WDPCP: variants seen among roughly 807,000 people sequenced by gnomAD.
WDPCP encodes WD repeat containing planar cell polarity effector, also known as WD repeat-containing and planar cell polarity effector protein fritz homolog.
WDPCP carries 71 observed loss-of-function variants against 93.1 expected under a neutral mutation model. The observed-to-expected ratio is 0.76, with a 90% confidence interval of 0.63 to 0.93. The LOEUF (loss-of-function observed/expected upper bound fraction) is 0.93, where lower values mean the gene tolerates loss of function less well. Ranked by LOEUF, WDPCP falls within the 40% of genes least tolerant of loss-of-function variation. The pLI, the probability that WDPCP is intolerant of heterozygous loss-of-function variation, is 0.00. For synonymous variants in WDPCP, 315 were observed against 315.0 expected (o/e 1.00, Z 0.00); for missense variants, 844 against 887.4 (o/e 0.95, Z 0.62).
intron 2 of WDPCP, among the ~76,000 whole-genome samples, chr2:63,767,777 C>A (rs990175258): frequency 3.9e-5 from 6 of 151,924 alleles, no homozygotes; most frequent in Non-Finnish European, 8.8e-5. Flanking sequence ...ATATTTTGTC[C>A]TGTCTGTGTG....
chr2:63,431,067 C>T (rs1369936415), intron 9 of WDPCP, among the ~76,000 whole-genome samples: 1 of 152,126 alleles, frequency 6.6e-6, no homozygotes, highest in Non-Finnish European at 1.5e-5. Flanking sequence ...CAATTTTCTA[C>T]TTAGAATCTA....
intron 3 of WDPCP, among the ~76,000 whole-genome samples, chr2:63,618,813 C>T (rs1575731129): frequency 6.6e-6 from 1 of 152,136 alleles, no homozygotes; most frequent in East Asian, 1.9e-4. Context: ...GCCTCAGCTC[C>T]TGAGCAGCTG....
intron 2 of WDPCP, among the ~76,000 whole-genome samples, chr2:63,782,446 G>A (rs1372130571): frequency 6.6e-6 from 1 of 152,112 alleles, no homozygotes; most frequent in African/African-American, 2.4e-5. Context: ...GAATCTAGAA[G>A]GAACTCAACA....
chr2:63,360,245 G>A (rs1690345668), intron 12 of WDPCP, among the ~76,000 whole-genome samples: 4 of 152,314 alleles, frequency 2.6e-5, no homozygotes, highest in Middle Eastern at 3.4e-3. Context: ...ATTTTAGGCT[G>A]AATAATGGAA....
intron 12 of WDPCP, among the ~76,000 whole-genome samples, chr2:63,332,348 C>T (rs544011545): frequency 6.6e-6 from 1 of 152,070 alleles, no homozygotes; most frequent in South Asian, 2.1e-4. Flanking sequence ...TCTTATATAT[C>T]CAAGAGCAAC....
chr2:63,549,155 A>AGG (rs533644130), intron 1 of WDPCP, among the ~76,000 whole-genome samples: 177 of 149,490 alleles, frequency 1.2e-3, no homozygotes, highest in African/African-American at 4.1e-3. Flanking sequence ...AGGCTGAGGC[A>AGG]GGGAGAATCA....
chr2:63,478,514 A>C (rs1364900206), intron 6 of WDPCP, among the ~76,000 whole-genome samples: 1 of 152,006 alleles, frequency 6.6e-6, no homozygotes, highest in Non-Finnish European at 1.5e-5. Flanking sequence ...GTAGAATAAA[A>C]CTCCAAAAGG....
upstream of WDPCP, among the ~76,000 whole-genome samples, chr2:63,591,402 T>C (rs897272402): frequency 6.6e-6 from 1 of 152,210 alleles, no homozygotes; most frequent in Non-Finnish European, 1.5e-5. Flanking sequence ...GGGAAAGTAA[T>C]TTCCCCAAAG....
At chr2:63,208,556 C>A (rs1027492612) in intron 14 of WDPCP, among the ~76,000 whole-genome samples, 3 of 152,136 alleles carry the variant, frequency 2.0e-5, no homozygotes, top group African/African-American at 7.2e-5. Context: ...TAGTCTTAAG[C>A]ATTTATAGGA....
chr2:63,713,482 G>A (rs986823659), intron 2 of WDPCP, among the ~76,000 whole-genome samples: 1 of 152,178 alleles, frequency 6.6e-6, no homozygotes, highest in Non-Finnish European at 1.5e-5. Flanking sequence ...CTATGGGAAC[G>A]TTCTGAAAAC....
chr2:63,645,547 G>C (rs72806071), intron 3 of WDPCP, among the ~76,000 whole-genome samples: 1 of 152,208 alleles, frequency 6.6e-6, no homozygotes, highest in Non-Finnish European at 1.5e-5. Context: ...ATTAAGTCTG[G>C]TGTAATTTAT....
At chr2:63,425,055 ACT>A (rs1265244199) in intron 9 of WDPCP, among the ~76,000 whole-genome samples, 4 of 152,064 alleles carry the variant, frequency 2.6e-5, no homozygotes, top group Admixed American at 2.0e-4. Flanking sequence ...CACAAAAAAT[ACT>A]CTTCCAGTAT....
chr2:63,718,050 A>G (rs1310122928), intron 2 of WDPCP, among the ~76,000 whole-genome samples: 1 of 152,052 alleles, frequency 6.6e-6, no homozygotes, highest in Non-Finnish European at 1.5e-5. Flanking sequence ...TGAGGTAAAA[A>G]TATATATTAA....
chr2:63,609,773 G>A (rs968514229), intron 3 of WDPCP, among the ~76,000 whole-genome samples: 9 of 152,132 alleles, frequency 5.9e-5, no homozygotes, highest in Non-Finnish European at 1.0e-4. Context: ...TCGGGAGTCC[G>A]AGGTGGGAGG....
At chr2:63,567,393 T>C (rs920350870) in intron 1 of WDPCP, among the ~76,000 whole-genome samples, 1 of 152,192 alleles carries the variant, frequency 6.6e-6, no homozygotes, top group African/African-American at 2.4e-5. Flanking sequence ...AGCTATGTGC[T>C]AAAAACCAAG....
intron 2 of WDPCP, among the ~76,000 whole-genome samples, chr2:63,795,589 GAAAGAAAGAAAGA>G (rs1264749503): frequency 1.4e-4 from 21 of 151,474 alleles, no homozygotes; most frequent in South Asian, 4.2e-4. Flanking sequence ...CAGAAAGAAG[GAAAGAAAGAAAGA>G]AAAGAAAGAA....
chr2:63,614,653 C>T (rs1044678769), intron 3 of WDPCP, among the ~76,000 whole-genome samples: 3 of 152,176 alleles, frequency 2.0e-5, no homozygotes, highest in African/African-American at 7.2e-5. Context: ...CAAGGTGACT[C>T]ATAGCAATTA....
intron 4 of WDPCP, among the ~76,000 whole-genome samples, chr2:63,485,998 C>A (rs1325306976): frequency 1.3e-5 from 2 of 151,514 alleles, no homozygotes; most frequent in East Asian, 1.9e-4. Flanking sequence ...TCAGTTCAAC[C>A]ATTTAAAAAA....
intron 2 of WDPCP, among the ~76,000 whole-genome samples, chr2:63,805,306 A>G (rs1357317488): frequency 6.6e-6 from 1 of 152,208 alleles, no homozygotes; most frequent in Non-Finnish European, 1.5e-5. Flanking sequence ...ACTGGAAGGA[A>G]TCTAGGAAAT....
Sources: gnomAD v4.1 joint callset for allele counts (sites outside exome capture counted in the v4.1 genomes callset) on GRCh38, gnomAD v4.1.1 for gene constraint, MANE v1.5 for transcripts, NCBI Gene and HGNC (gene_info 2026-07-23, HGNC 2026-07-21) for gene names.